The following BRWD3 variants were observed in gnomAD, a reference collection of about 807,000 sequenced individuals.
The protein encoded by BRWD3 is bromodomain and WD repeat domain containing 3, also known as bromodomain and WD repeat-containing protein 3.
In BRWD3, 10 loss-of-function variants were observed where a neutral mutation model predicts 149.7. The observed-to-expected ratio is 0.07, with a 90% CI of 0.04 to 0.11. BRWD3 has a LOEUF of 0.11. Among genes scored for constraint, BRWD3 ranks in the 10% least tolerant of loss-of-function variants. BRWD3 has a pLI of 1.00. For missense variants in BRWD3, 940 were observed against 1,373.2 expected, an observed-to-expected ratio of 0.68 and a Z score of 4.99; for synonymous variants, 504 against 456.7, an observed-to-expected ratio of 1.10 and a Z score of -1.32.
intron 21 of BRWD3, 78 bp downstream of exon 21, chrX:80,709,350 G>T: frequency 1.2e-6 from 1 of 821,666 alleles, no homozygotes; most frequent in Non-Finnish European, 1.7e-6. Context: ...TATTAAAGAA[G>T]TGACCCTTAA....
At chrX:80,736,219 C>A in intron 8 of BRWD3, 131 bp from the exon 9 acceptor site, 1 of 428,096 alleles carries the variant, frequency 2.3e-6, no homozygotes. Context: ...ATTTTTGTTT[C>A]AAGGGACTAT....
At position 80,750,892 on chromosome X, in the gene BRWD3, ACG is replaced by A. The variant is rs1491400056; in HGVS notation, c.431-5165_431-5164del. Among the ~76,000 whole-genome samples, 21 of 102,584 alleles carry A rather than the reference ACG, an allele frequency of 2.0e-4. No homozygotes were observed. In the East Asian group the frequency reaches 4.5e-3, roughly 22 times the overall value. 89.1% of individuals were successfully genotyped at this position (102,584 alleles called of 115,157 possible). A position where few individuals can be genotyped will look rare whatever the true frequency, so the allele number is the denominator to read the frequency against. ...CACACACACACACACACACACACAC[ACG>A]CAAAAATCATTAAGTCTTATAAAGG... On this transcript the variant is annotated intron_variant, in intron 6 of 40. Transcript: ENST00000373275.
chrX:80,735,939 T>C, intron 9 of BRWD3, 49 bp downstream of exon 9: 4 of 837,246 alleles, frequency 4.8e-6, no homozygotes, highest in East Asian at 3.3e-5. Flanking sequence ...ATCAAGGCAA[T>C]AGATAAAAAA....
intron 8 of BRWD3, 44 bp downstream of exon 8, chrX:80,743,987 AC>A (rs769544155): frequency 3.5e-5 from 36 of 1,042,054 alleles, no homozygotes; most frequent in Non-Finnish European, 4.2e-5. Flanking sequence ...GAGAATTCTC[AC>A]CTTTTTTACA....
chrX:80,757,540 G>C (rs1287712355), intron 6 of BRWD3, among the ~76,000 whole-genome samples: 1 of 112,179 alleles, frequency 8.9e-6, no homozygotes, highest in African/African-American at 3.2e-5. Context: ...CTTTAGCAAT[G>C]TTGAATAATT....
At chrX:80,796,158 T>C (rs2074237491) in intron 4 of BRWD3, among the ~76,000 whole-genome samples, 1 of 105,520 alleles carries the variant, frequency 9.5e-6, no homozygotes, top group African/African-American at 3.6e-5. Flanking sequence ...TGAGTCGGAG[T>C]CTCGCTCTGT....
chrX:80,792,806 T>C (rs1389391621), intron 5 of BRWD3, among the ~76,000 whole-genome samples: 4 of 111,045 alleles, frequency 3.6e-5, no homozygotes, highest in Non-Finnish European at 7.5e-5. Flanking sequence ...ATATTGAGGT[T>C]CCAGGTAAAA....
In BRWD3 at chrX:80,709,616, A is replaced by T. The variant is rs770347362; in HGVS notation, c.2326-39T>A. On this transcript the variant is annotated intron_variant, in intron 20 of 40. Transcript: ENST00000373275. ...GAATAATAAATTTTAAAAAAGGAAA[A>T]GCTCAGTAAACACACAAGGAACATA... 28 of 1,162,832 alleles carry T rather than the reference A, an allele frequency of 2.4e-5. No individual in the cohort carries two copies. The South Asian group carries it at 5.0e-4, about 21-fold the overall frequency.
chrX:80,763,441 T>C (rs1361773335), intron 6 of BRWD3, among the ~76,000 whole-genome samples: 1 of 111,621 alleles, frequency 9.0e-6, no homozygotes, highest in Non-Finnish European at 1.9e-5. Context: ...CAAACCTACC[T>C]AGAACATAAA....
intron 6 of BRWD3, among the ~76,000 whole-genome samples, chrX:80,760,355 T>C (rs1264987291): frequency 8.9e-6 from 1 of 111,965 alleles, no homozygotes; most frequent in Non-Finnish European, 1.9e-5. Context: ...AGTTATCCCA[T>C]AAAAGCCTCC....
intron 33 of BRWD3, among the ~76,000 whole-genome samples, chrX:80,689,022 A>G (rs2072574543): frequency 9.0e-6 from 1 of 111,086 alleles, no homozygotes; most frequent in Non-Finnish European, 1.9e-5. Flanking sequence ...GAGATTTACC[A>G]TTCTGGAGAT....
At chrX:80,793,852 TC>T (rs1009819972) in intron 4 of BRWD3, 80 bp from the exon 5 acceptor site, 1 of 969,975 alleles carries the variant, frequency 1.0e-6, no homozygotes, top group Non-Finnish European at 1.4e-6. Flanking sequence ...ACTAAATTGT[TC>T]CATTCATTAT....
chrX:80,707,563 T>TA, intron 21 of BRWD3, 60 bp from the exon 22 acceptor site: 4 of 1,069,810 alleles, frequency 3.7e-6, no homozygotes, highest in Non-Finnish European at 2.6e-6. Flanking sequence ...TATTTCTAAT[T>TA]AAAAAACCAC....
intron 6 of BRWD3, among the ~76,000 whole-genome samples, chrX:80,752,673 TTTTC>T (rs1319361825): frequency 1.8e-5 from 2 of 111,873 alleles, no homozygotes; most frequent in African/African-American, 6.5e-5. Flanking sequence ...CATTTTTTCT[TTTTC>T]TTTCTTTCTT....
chrX:80,688,017 G>A (rs1367841626), intron 34 of BRWD3, 52 bp downstream of exon 34: 1 of 1,028,238 alleles, frequency 9.7e-7, no homozygotes, highest in Non-Finnish European at 1.4e-6. Flanking sequence ...AGGGATCACT[G>A]ACACAGGAAA....
intron 20 of BRWD3, chrX:80,710,311 A>T (rs2072942441): frequency 3.0e-6 from 1 of 335,761 alleles, no homozygotes; most frequent in Non-Finnish European, 5.5e-6. Flanking sequence ...GTGTTAGGCT[A>T]CTTACTGCTG....
At chrX:80,716,381 G>A in intron 19 of BRWD3, 131 bp from the exon 20 acceptor site, 1 of 517,393 alleles carries the variant, frequency 1.9e-6, no homozygotes, top group Non-Finnish European at 3.2e-6. Context: ...TAATTCAGTG[G>A]CATCAATTAC....
At chrX:80,761,832 T>C (rs1182731114) in intron 6 of BRWD3, among the ~76,000 whole-genome samples, 1 of 111,578 alleles carries the variant, frequency 9.0e-6, no homozygotes, top group Admixed American at 9.6e-5. Flanking sequence ...TCATTTCTTA[T>C]TGGGACACAG....
At chrX:80,742,263 G>A (rs189816427) in intron 8 of BRWD3, among the ~76,000 whole-genome samples, 1 of 110,337 alleles carries the variant, frequency 9.1e-6, no homozygotes, top group East Asian at 2.9e-4. Flanking sequence ...CTGTTCCATT[G>A]GTCTATATTT....
Sources: allele counts gnomAD v4.1 joint callset (sites outside exome capture counted in the v4.1 genomes callset), GRCh38; gene constraint gnomAD v4.1.1; transcripts MANE v1.5; gene names NCBI Gene and HGNC (gene_info 2026-07-23, HGNC 2026-07-21).